The following SLC16A7 variants were observed in gnomAD, a reference collection of about 807,000 sequenced individuals.
SLC16A7 encodes monocarboxylate transporter 2.
A neutral mutation model predicts 34.9 loss-of-function variants in SLC16A7; 33 were observed. The observed-to-expected ratio is 0.94, with a 90% confidence interval of 0.72 to 1.26. The LOEUF (loss-of-function observed/expected upper bound fraction) is 1.26, where lower values mean the gene tolerates loss of function less well. Ranked by LOEUF, SLC16A7 falls within the 50% of genes most tolerant of loss-of-function variation. SLC16A7 has a pLI of 0.00. For missense variants in SLC16A7, 573 were observed against 578.1 expected (o/e 0.99, Z 0.09); for synonymous variants, 201 against 206.6 (o/e 0.97, Z 0.23).
intron 3 of SLC16A7, among the ~76,000 whole-genome samples, chr12:59,764,830 T>A (rs113797222): frequency 3.6e-4 from 55 of 152,270 alleles, no homozygotes; most frequent in African/African-American, 1.3e-3. Context: ...TGATTTATAA[T>A]CCTTTGGGTA....
At chr12:59,763,233 A>C (rs1881206696) in intron 3 of SLC16A7, among the ~76,000 whole-genome samples, 1 of 152,094 alleles carries the variant, frequency 6.6e-6, no homozygotes, top group Admixed American at 6.6e-5. Flanking sequence ...TTTTGTCTCA[A>C]TTATATTTCT....
chr12:59,675,227 C>T (rs761498656), intron 2 of SLC16A7, among the ~76,000 whole-genome samples: 6 of 152,146 alleles, frequency 3.9e-5, no homozygotes, highest in East Asian at 1.9e-4. Flanking sequence ...ATTCACTGAT[C>T]GTAGTGTTAT....
In SLC16A7 at chr12:59,671,953, A is replaced by G. The variant is rs1398798577; in HGVS notation, c.-31+16703A>G. On this transcript the variant is annotated intron_variant, in intron 2 of 5. Coordinates refer to ENST00000547379, the MANE Select transcript of SLC16A7 (RefSeq NM_001270623.2). ...TCCATATATGTATATATGTGTATATATGTATATATGTGTATATATCCATAT... is the reference window on the plus strand; with the variant it reads ...TCCATATATGTATATATGTGTATATGTGTATATATGTGTATATATCCATAT... 2.3e-4 allele frequency among the ~76,000 whole-genome samples: 14 copies of G among 62,124 alleles called. 4 individuals carry two copies. Among genetic ancestry groups the G allele is most frequent in the African/African-American group, 1.2e-3 (13 of 10,560 alleles). 40.8% of individuals were successfully genotyped at this position (62,124 alleles called of 152,430 possible).
At chr12:59,752,657 T>A (rs181599854) in intron 3 of SLC16A7, among the ~76,000 whole-genome samples, 269 of 152,282 alleles carry the variant, frequency 1.8e-3, no homozygotes, top group Non-Finnish European at 1.3e-3. Flanking sequence ...ACAGAGAGAA[T>A]GGAACCAAGT....
chr12:59,768,562 G>A (rs1309716109), intron 3 of SLC16A7, among the ~76,000 whole-genome samples: 1 of 152,104 alleles, frequency 6.6e-6, no homozygotes, highest in Non-Finnish European at 1.5e-5. Flanking sequence ...ATAAAGCAGT[G>A]GAAAGGTTTG....
Position 59,653,356 on chromosome 12 carries a change from G to A in SLC16A7, c.-129-1796G>A, listed in dbSNP as rs564239866. 2.0e-5 allele frequency among the ~76,000 whole-genome samples: 3 copies of A among 151,628 alleles called. No homozygotes were observed. The South Asian group carries it at 6.3e-4, about 32-fold the overall frequency. On this transcript the variant is annotated intron_variant, in intron 1 of 5. Coordinates refer to ENST00000547379, the MANE Select transcript of SLC16A7 (RefSeq NM_001270623.2). ...TGAGAATCAAAATGTGGGAGATCTT[G>A]CTTTTTAGGTATGAGGTAAGAAATA...
intron 3 of SLC16A7, among the ~76,000 whole-genome samples, chr12:59,753,078 C>T (rs946362271): frequency 2.6e-5 from 4 of 152,156 alleles, no homozygotes; most frequent in African/African-American, 4.8e-5. Context: ...CACCACAAGG[C>T]CTGCCCTAAA....
At chr12:59,607,890 T>C (rs1288744691) in intron 1 of SLC16A7, among the ~76,000 whole-genome samples, 1 of 152,192 alleles carries the variant, frequency 6.6e-6, no homozygotes, top group Non-Finnish European at 1.5e-5. Flanking sequence ...TAGATCCTCT[T>C]TATCCAATAA....
chr12:59,759,711 A>G (rs536968902), intron 3 of SLC16A7, among the ~76,000 whole-genome samples: 10 of 152,112 alleles, frequency 6.6e-5, no homozygotes, highest in African/African-American at 2.4e-4. Context: ...AGGGGAAAAT[A>G]TTTTATTTCA....
At chr12:59,709,892 A>G (rs1397650866) in intron 3 of SLC16A7, among the ~76,000 whole-genome samples, 1 of 151,618 alleles carries the variant, frequency 6.6e-6, no homozygotes, top group East Asian at 1.9e-4. Flanking sequence ...CCAATTAAAT[A>G]TAAGCGGAAG....
chr12:59,754,724 A>G (rs1880077439), intron 3 of SLC16A7, among the ~76,000 whole-genome samples: 1 of 152,200 alleles, frequency 6.6e-6, no homozygotes, highest in Admixed American at 6.5e-5. Flanking sequence ...TCCAATCAAT[A>G]CAAAAAGAGG....
In SLC16A7 at chr12:59,789,533, A is replaced by G. The variant is rs1349255588; in HGVS notation, c.*9854A>G. The stretch of plus-strand genomic sequence containing the variant: ...GACCAAAGGTGCTACTTATTTTTCA[A>G]CATTGACCTTGATCATAAGTGCTTC... On this transcript the variant is annotated 3_prime_UTR_variant, in exon 6 of 6. Coordinates refer to ENST00000547379, the MANE Select transcript of SLC16A7 (RefSeq NM_001270623.2). 6.6e-6 allele frequency: 1 copy of G among 152,214 alleles called. No homozygotes were observed. Among genetic ancestry groups the G allele is most frequent in the African/African-American group, 2.4e-5 (1 of 41,556 alleles). The allele number at this position is 152,214 out of a possible 1,614,324, so 9.4% of individuals were successfully genotyped here.
chr12:59,666,651 C>T (rs575840359), intron 2 of SLC16A7, among the ~76,000 whole-genome samples: 3 of 152,170 alleles, frequency 2.0e-5, no homozygotes, highest in Non-Finnish European at 4.4e-5. Flanking sequence ...TCTTGCCTGC[C>T]ACCATGTATG....
intron 1 of SLC16A7, among the ~76,000 whole-genome samples, chr12:59,618,090 A>C (rs910802260): frequency 1.3e-5 from 2 of 151,918 alleles, no homozygotes; most frequent in African/African-American, 4.8e-5. Context: ...ATATTGCAGG[A>C]ATAGTGAATA....
chr12:59,712,830 C>T (rs1386554715), intron 3 of SLC16A7, among the ~76,000 whole-genome samples: 1 of 152,026 alleles, frequency 6.6e-6, no homozygotes, highest in Non-Finnish European at 1.5e-5. Context: ...TTAATCCCCC[C>T]TCATATTCTC....
Position 59,785,296 on chromosome 12 carries a change from C to G in SLC16A7, c.*5617C>G, listed in dbSNP as rs544646198. On this transcript the variant is annotated 3_prime_UTR_variant, in exon 6 of 6. Coordinates refer to ENST00000547379, the MANE Select transcript of SLC16A7 (RefSeq NM_001270623.2). ...TTAGCTCTTTACAGGGTGCTACAAT[C>G]TGGTTTATTTTAGTCTTCTCTCCTC... The G allele has an allele frequency of 6.6e-6, 1 of 152,216 alleles. No individual in the cohort carries two copies. The highest frequency in any genetic ancestry group is 1.9e-4 in the East Asian group (1 of 5,184). 9.4% of individuals were successfully genotyped at this position (152,216 alleles called of 1,614,324 possible). A position where few individuals can be genotyped will look rare whatever the true frequency, so the allele number is the denominator to read the frequency against.
chr12:59,658,876 A>T (rs1015146192), intron 2 of SLC16A7, among the ~76,000 whole-genome samples: 1 of 152,082 alleles, frequency 6.6e-6, no homozygotes, highest in Admixed American at 6.6e-5. Flanking sequence ...GAAATAATGA[A>T]TTGAGAGTTT....
At chr12:59,673,025 G>T (rs1432825691) in intron 2 of SLC16A7, among the ~76,000 whole-genome samples, 1 of 152,092 alleles carries the variant, frequency 6.6e-6, no homozygotes, top group African/African-American at 2.4e-5. Flanking sequence ...ATAGAATTCT[G>T]CACTCTAAAG....
Position 59,774,651 on chromosome 12 carries a change from T to TTTTAGG in SLC16A7, c.368_373dup. ...TTTTCCCCCACTTTTGTTTTGTTCTTTTTAGGTTTAGGTTTAGCCTTCAAC... is the reference window on the plus strand; with the variant it reads ...TTTTCCCCCACTTTTGTTTTGTTCTTTTTAGGTTTAGGTTTAGGTTTAGCCTTCAAC... On this transcript the variant is annotated splice_polypyrimidine_tract_variant and splice_region_variant and intron_variant, in intron 4 of 5. Coordinates refer to ENST00000547379, the MANE Select transcript of SLC16A7 (RefSeq NM_001270623.2). 6 of 1,546,370 alleles carry TTTTAGG rather than the reference T, an allele frequency of 3.9e-6. No homozygotes were observed. The highest frequency in any genetic ancestry group is 2.3e-5 in the East Asian group (1 of 44,256).
Sources: allele counts gnomAD v4.1 joint callset (sites outside exome capture counted in the v4.1 genomes callset), GRCh38; gene constraint gnomAD v4.1.1; transcripts MANE v1.5; gene names NCBI Gene and HGNC (gene_info 2026-07-23, HGNC 2026-07-21).